Variants in GABRR1 observed in about 807,000 individuals in gnomAD.
The protein encoded by GABRR1 is gamma-aminobutyric acid receptor subunit rho-1.
In GABRR1, 59 loss-of-function variants were observed where a neutral mutation model predicts 55.5. The observed-to-expected ratio is 1.06, with a 90% CI of 0.86 to 1.32. The LOEUF (loss-of-function observed/expected upper bound fraction) is 1.32, where lower values mean the gene tolerates loss of function less well. Ranked by LOEUF, GABRR1 falls within the 40% of genes most tolerant of loss-of-function variation. The pLI, the probability that GABRR1 is intolerant of heterozygous loss-of-function variation, is 0.00. For synonymous variants in GABRR1, 213 were observed against 226.0 expected (o/e 0.94, Z 0.51); for missense variants, 602 against 619.1 (o/e 0.97, Z 0.29).
chr6:89,199,459 C>T (rs1772398841), intron 3 of GABRR1, 30 bp from the exon 4 acceptor site: 1 of 1,606,350 alleles, frequency 6.2e-7, no homozygotes, highest in African/African-American at 1.3e-5. Context: ...AGAGCATTCA[C>T]TGTTTTTACT....
At position 89,178,848 on chromosome 6, in the gene GABRR1, G is replaced by C. The variant is rs1376503902; in HGVS notation, c.1362C>G (p.Ala454=). 1.2e-6 allele frequency: 2 copies of C among 1,614,118 alleles called. No homozygotes were observed. The highest frequency in any genetic ancestry group is 2.2e-5 in the South Asian group (2 of 91,076). The change falls in exon 10 of 10, where the codon GCC becomes GCG. Residue 454 remains alanine (A), a synonymous_variant. Transcript: ENST00000454853. ...AGATGATCCTGGAGTATTTATCAAT[G>C]GCGTGGGTGTCGATTCTCATGCTCA... ...SYVSMRIDTH[A]IDKYSRIIFP...
intron 6 of GABRR1, among the ~76,000 whole-genome samples, chr6:89,187,521 TA>T (rs1365247431): frequency 6.6e-6 from 1 of 152,176 alleles, no homozygotes; most frequent in Non-Finnish European, 1.5e-5. Flanking sequence ...CATTACTACA[TA>T]AACACAACCA....
chr6:89,206,435 T>C (rs1242647389), intron 1 of GABRR1, among the ~76,000 whole-genome samples: 1 of 152,124 alleles, frequency 6.6e-6, no homozygotes, highest in Non-Finnish European at 1.5e-5. Context: ...TCATTCTTCA[T>C]ACCCTTTGTT....
chr6:89,223,846 C>T (rs189467202), intron 1 of GABRR1, among the ~76,000 whole-genome samples: 136 of 151,816 alleles, frequency 9.0e-4, no homozygotes, highest in African/African-American at 3.1e-3. Flanking sequence ...TCACTGCAAC[C>T]TCTGCCTCCT....
At chr6:89,212,420 C>T in intron 1 of GABRR1, among the ~76,000 whole-genome samples, 1 of 34,764 alleles carries the variant, frequency 2.9e-5, no homozygotes, top group South Asian at 1.1e-3. Flanking sequence ...AGCAAGCAAG[C>T]ATCGTCTCTC....
rs1374817084 is a variant in GABRR1, at chr6:89,191,542, G to C, written c.573-1295C>G. On this transcript the variant is annotated intron_variant, in intron 5 of 9. Coordinates refer to ENST00000454853, the MANE Select transcript of GABRR1 (RefSeq NM_002042.5). ...GTTGGTATAGGAACAGCTGTTTTCAGAATTACAGACATCACCAGAATGGGT... is the reference window on the plus strand; with the variant it reads ...GTTGGTATAGGAACAGCTGTTTTCACAATTACAGACATCACCAGAATGGGT... 2.0e-5 allele frequency among the ~76,000 whole-genome samples: 3 copies of C among 152,164 alleles called. No homozygotes were observed. In the East Asian group the frequency reaches 5.8e-4, roughly 29 times the overall value.
At position 89,202,190 on chromosome 6, in the gene GABRR1, T is replaced by C. The variant is rs530004067; in HGVS notation, c.174-925A>G. ...CGATTGGTAACATACTTTTAGCAGT[T>C]GACAATTTTTTAAAAGAAGAAATGT... On this transcript the variant is annotated intron_variant, in intron 2 of 9. Transcript: ENST00000454853. Among the ~76,000 whole-genome samples, 168 of 152,242 alleles carry C rather than the reference T, an allele frequency of 1.1e-3. 1 individual carries two copies. Among genetic ancestry groups the C allele is most frequent in the Non-Finnish European group, 2.1e-3 (145 of 68,040 alleles).
At chr6:89,217,049 G>A in intron 1 of GABRR1, 152 bp downstream of exon 1, 1 of 686,112 alleles carries the variant, frequency 1.5e-6, no homozygotes, top group Non-Finnish European at 2.4e-6. Flanking sequence ...TTCTAAAAGG[G>A]GAGCAGCAGG....
chr6:89,208,782 A>G (rs1772732116), intron 1 of GABRR1, among the ~76,000 whole-genome samples: 1 of 152,238 alleles, frequency 6.6e-6, no homozygotes, highest in Non-Finnish European at 1.5e-5. Context: ...GGATGTGGAC[A>G]GCCTACTGGT....
At chr6:89,221,549 T>C (rs944820230), upstream of GABRR1, 1 of 152,230 alleles carries the variant, frequency 6.6e-6, no homozygotes, top group Non-Finnish European at 1.5e-5. Context: ...TAATCTGAGA[T>C]GATTTAAAGT....
intron 1 of GABRR1, among the ~76,000 whole-genome samples, chr6:89,207,542 C>T (rs1772690013): frequency 6.6e-6 from 1 of 152,188 alleles, no homozygotes; most frequent in African/African-American, 2.4e-5. Context: ...TGAGATTCTG[C>T]TAACAGAATC....
intron 3 of GABRR1, among the ~76,000 whole-genome samples, chr6:89,200,869 G>A (rs1338923501): frequency 6.6e-6 from 1 of 152,170 alleles, no homozygotes; most frequent in Admixed American, 6.5e-5. Flanking sequence ...CAGCTGCCCT[G>A]TGTTCTCCTG....
At chr6:89,196,742 A>G (rs1353690275) in intron 5 of GABRR1, among the ~76,000 whole-genome samples, 1 of 151,538 alleles carries the variant, frequency 6.6e-6, no homozygotes, top group Non-Finnish European at 1.5e-5. Flanking sequence ...ACGCCAGTGC[A>G]CTCCAGCCTG....
chr6:89,224,942 C>G (rs1308543952), intron 1 of GABRR1, among the ~76,000 whole-genome samples: 1 of 152,170 alleles, frequency 6.6e-6, no homozygotes, highest in East Asian at 1.9e-4. Flanking sequence ...AACACCACAC[C>G]CAGCTAATTT....
In GABRR1 at chr6:89,198,024, G is replaced by A; in HGVS notation, c.568C>T (p.Leu190Phe). The change falls in exon 5 of 10, where the codon CTC becomes TTC. Residue 190 changes from leucine to phenylalanine, a missense_variant. Physicochemically the swap from Leu to Phe is conservative, Grantham distance 22. This residue lies in a region of GABRR1 where 435 missense variants were observed against 424.2 expected (regional missense o/e 1.03). Transcript: ENST00000454853. ...ATGATCTGCCTTTCTTCCTACCTGAGACTATAGAGCACTTTCCCATCAGGC... is the reference window on the plus strand; with the variant it reads ...ATGATCTGCCTTTCTTCCTACCTGAAACTATAGAGCACTTTCCCATCAGGC... The part of the protein sequence containing the change: ...VQPDGKVLYS[L>F]RVTVTAMCNM... 1 of 1,612,698 alleles carries A rather than the reference G, an allele frequency of 6.2e-7. No homozygotes were observed.
At position 89,217,225 on chromosome 6, in the gene GABRR1, A is replaced by G; in HGVS notation, c.98T>C (p.Val33Ala). ...ESRMHWPGRE[V>A]HEMSKKGRPQ... ...CCTGCCTTTCTTAGACATCTCGTGG[A>G]CTTCTCTTCCGGGCCAGTGCATTCT... Residue 33 changes from valine (V) to alanine (A), a missense_variant, in exon 1 of 10, where the codon GTC becomes GCC. This residue lies in a region of GABRR1 where 435 missense variants were observed against 424.2 expected (regional missense o/e 1.03). Transcript: ENST00000454853. 1.2e-6 allele frequency: 2 copies of G among 1,614,002 alleles called. No individual in the cohort carries two copies. The highest frequency in any genetic ancestry group is 1.7e-6 in the Non-Finnish European group (2 of 1,179,976).
At chr6:89,180,106 C>T (rs996158799) in intron 9 of GABRR1, among the ~76,000 whole-genome samples, 186 bp downstream of exon 9, 2 of 152,104 alleles carry the variant, frequency 1.3e-5, no homozygotes, top group East Asian at 1.9e-4. Context: ...AAAGATGTCA[C>T]CCAAAGTAAA....
At chr6:89,206,988 T>C (rs138740132) in intron 1 of GABRR1, among the ~76,000 whole-genome samples, 12 of 151,842 alleles carry the variant, frequency 7.9e-5, no homozygotes, top group African/African-American at 2.2e-4. Flanking sequence ...GTACCAAATA[T>C]GGAAGGAGAA....
In GABRR1 at chr6:89,201,153, C is replaced by A. The variant is rs997591274; in HGVS notation, c.280+6G>T. ...AGAGGACACCCTGAGAGCACACATC[C>A]CATACCTCCAAAGCCAGGCCTCATG... is the stretch of plus-strand genomic sequence containing the variant. On this transcript the variant is annotated splice_donor_region_variant and intron_variant, in intron 3 of 9. Transcript: ENST00000454853. The A allele has an allele frequency of 6.2e-7, 1 of 1,606,876 alleles. No homozygotes were observed. The highest frequency in any genetic ancestry group is 2.2e-5 in the East Asian group (1 of 44,838).
Sources: gnomAD v4.1 joint callset for allele counts (sites outside exome capture counted in the v4.1 genomes callset) on GRCh38, gnomAD v4.1.1 for gene constraint, gnomAD v4.1.1 regional missense constraint, MANE v1.5 for transcripts, NCBI Gene and HGNC (gene_info 2026-07-23, HGNC 2026-07-21) for gene names.